Variants in TRPC1 observed in about 807,000 individuals in gnomAD.
The protein encoded by TRPC1 is short transient receptor potential channel 1.
TRPC1 carries 42 observed loss-of-function variants against 88.2 expected under a neutral mutation model. That is an observed-to-expected ratio of 0.48 (90% CI 0.37 to 0.62). The LOEUF (loss-of-function observed/expected upper bound fraction) is 0.62. Among genes scored for constraint, TRPC1 ranks in the 20% least tolerant of loss-of-function variants. The pLI is 0.00. For synonymous variants in TRPC1, 288 were observed against 331.8 expected (o/e 0.87, Z 1.43); for missense variants, 699 against 957.3 (o/e 0.73, Z 3.56).
rs1578016890 is a variant in TRPC1 at position 142,804,472 on chromosome 3, A to G, written c.1996A>G (p.Lys666Glu). 6.2e-7 allele frequency: 1 copy of G among 1,611,296 alleles called. No homozygotes were observed. Among genetic ancestry groups the G allele is most frequent in the East Asian group, 2.2e-5 (1 of 44,796 alleles). ...CAAAGAATGGAAGTTTGCTCGAGCA[A>G]AATTATGGCTTAGCTACTTTGATGA... ...EDKEWKFARA[K>E]LWLSYFDDKC... Residue 666 changes from lysine to glutamate, a missense_variant, in exon 12 of 13, where the codon AAA becomes GAA. By Grantham distance (56) the Lys-to-Glu change is moderately conservative. Coordinates refer to ENST00000476941, the MANE Select transcript of TRPC1 (RefSeq NM_001251845.2).
At chr3:142,751,740 C>G (rs1934772440) in intron 4 of TRPC1, among the ~76,000 whole-genome samples, 1 of 152,108 alleles carries the variant, frequency 6.6e-6, no homozygotes, top group South Asian at 2.1e-4. Context: ...GTAAACCATC[C>G]ACCCTCACTC....
chr3:142,762,835 T>G (rs1935233557), intron 4 of TRPC1, among the ~76,000 whole-genome samples: 1 of 152,220 alleles, frequency 6.6e-6, no homozygotes, highest in South Asian at 2.1e-4. Flanking sequence ...TCAGTACTAC[T>G]TTTGCTCTGT....
chr3:142,770,442 G>A (rs760070586), intron 4 of TRPC1, among the ~76,000 whole-genome samples: 30 of 152,130 alleles, frequency 2.0e-4, no homozygotes, highest in Admixed American at 8.5e-4. Context: ...GTTATTCTTA[G>A]AAGGTATTCC....
At chr3:142,754,511 AC>A (rs1192730459) in intron 4 of TRPC1, among the ~76,000 whole-genome samples, 2 of 152,250 alleles carry the variant, frequency 1.3e-5, no homozygotes, top group African/African-American at 4.8e-5. Context: ...GTGCACATGT[AC>A]CCTAAAACTT....
At chr3:142,771,557 T>G (rs1205411966) in intron 4 of TRPC1, among the ~76,000 whole-genome samples, 4 of 152,206 alleles carry the variant, frequency 2.6e-5, no homozygotes, top group Admixed American at 2.6e-4. Flanking sequence ...CGTAATGATA[T>G]TTTTGTTATA....
chr3:142,778,126 T>G (rs1448812502), intron 5 of TRPC1, among the ~76,000 whole-genome samples: 1 of 152,222 alleles, frequency 6.6e-6, no homozygotes, highest in East Asian at 1.9e-4. Flanking sequence ...ATTCTCTGAC[T>G]CTATAATCAT....
At chr3:142,734,331 T>C (rs1577942998) in intron 1 of TRPC1, among the ~76,000 whole-genome samples, 3 of 152,002 alleles carry the variant, frequency 2.0e-5, no homozygotes, top group Admixed American at 6.6e-5. Flanking sequence ...GTAAAACTTA[T>C]GCAAATAAAA....
In TRPC1 at chr3:142,777,588, G is replaced by A. The variant is rs1341055942; in HGVS notation, c.633-44G>A. 4 of 1,385,420 alleles carry A rather than the reference G, an allele frequency of 2.9e-6. No individual in the cohort carries two copies. In the African/African-American group the frequency reaches 4.3e-5, roughly 15 times the overall value. 85.8% of individuals were successfully genotyped at this position (1,385,420 alleles called of 1,614,324 possible). On this transcript the variant is annotated intron_variant, in intron 4 of 12. Coordinates refer to ENST00000476941, the MANE Select transcript of TRPC1 (RefSeq NM_001251845.2). ...TTATAGATTAAAATACGAATTATAT[G>A]TGTATAAGTTTATTTTACATTATGG...
intron 12 of TRPC1, among the ~76,000 whole-genome samples, chr3:142,805,129 T>TACAC (rs71153991): frequency 0.056 from 5,360 of 95,200 alleles, 135 homozygotes; most frequent in Non-Finnish European, 0.07. Context: ...AATATATATA[T>TACAC]ACACACACAC....
At chr3:142,759,967 G>T (rs1000447443) in intron 4 of TRPC1, among the ~76,000 whole-genome samples, 7 of 152,212 alleles carry the variant, frequency 4.6e-5, no homozygotes, top group African/African-American at 1.7e-4. Context: ...CCATTCTCCT[G>T]CCCCAGCCTC....
chr3:142,772,476 A>G (rs1416843914), intron 4 of TRPC1, among the ~76,000 whole-genome samples: 1 of 152,102 alleles, frequency 6.6e-6, no homozygotes, highest in Non-Finnish European at 1.5e-5. Context: ...GGCTCCCATA[A>G]TGAGGTACCA....
chr3:142,748,369 CAGGATGTATCTCTACCCA>C lies in TRPC1; in HGVS notation c.544_561del (p.Asp182_Lys187del). ...TGAAATTCTTACAATGCTCTTAAAACAGGATGTATCTCTACCCAAGCCCCATGCAGTTGGCTGTGAATG... is the reference window on the plus strand; with the variant it reads ...TGAAATTCTTACAATGCTCTTAAAACAGCCCCATGCAGTTGGCTGTGAATG... On this transcript the variant is annotated inframe_deletion, in exon 4 of 13. Transcript: ENST00000476941. 3 of 1,614,126 alleles carry C rather than the reference CAGGATGTATCTCTACCCA, an allele frequency of 1.9e-6. No individual in the cohort carries two copies. Among genetic ancestry groups the C allele is most frequent in the Non-Finnish European group, 2.5e-6 (3 of 1,180,004 alleles).
intron 4 of TRPC1, among the ~76,000 whole-genome samples, chr3:142,766,770 C>G (rs1406089620): frequency 6.6e-6 from 1 of 152,148 alleles, no homozygotes; most frequent in Non-Finnish European, 1.5e-5. Flanking sequence ...CTCCTTGCTC[C>G]TCAGCCTGCA....
chr3:142,771,823 C>T (rs1024496241), intron 4 of TRPC1, among the ~76,000 whole-genome samples: 6 of 152,050 alleles, frequency 3.9e-5, no homozygotes, highest in African/African-American at 1.2e-4. Context: ...GCCTGATGAA[C>T]TTGCTTTTAT....
At chr3:142,728,572 C>G (rs548997185) in intron 1 of TRPC1, among the ~76,000 whole-genome samples, 7 of 152,070 alleles carry the variant, frequency 4.6e-5, no homozygotes, top group Non-Finnish European at 1.0e-4. Flanking sequence ...CCACCCGCCT[C>G]GGCTTCCCAA....
intron 4 of TRPC1, among the ~76,000 whole-genome samples, chr3:142,758,877 C>T (rs2108069249): frequency 6.8e-6 from 1 of 146,010 alleles, no homozygotes; most frequent in Non-Finnish European, 1.5e-5. Context: ...ACCTTGTGTC[C>T]AAGTGTTCTC....
chr3:142,766,491 C>A (rs1247336873), intron 4 of TRPC1, among the ~76,000 whole-genome samples: 1 of 151,374 alleles, frequency 6.6e-6, no homozygotes, highest in East Asian at 1.9e-4. Context: ...ACTTCCACAT[C>A]CTGGGTTCAA....
At chr3:142,772,776 GACTCCATCTCAAAAAAAA>G (rs1453131412) in intron 4 of TRPC1, among the ~76,000 whole-genome samples, 9 of 152,066 alleles carry the variant, frequency 5.9e-5, no homozygotes, top group African/African-American at 2.2e-4. Context: ...GACAGAGTGA[GACTCCATCTCAAAAAAAA>G]ACCCAAATTT....
chr3:142,776,451 G>T lies in TRPC1; in HGVS notation c.633-1181G>T, dbSNP rs1935773517. 6.6e-6 allele frequency among the ~76,000 whole-genome samples: 1 copy of T among 151,882 alleles called. No homozygotes were observed. Among genetic ancestry groups the T allele is most frequent in the Non-Finnish European group, 1.5e-5 (1 of 67,984 alleles). ...TTTTTCTGGTTTGTTTTCTATTTAG[G>T]TATGGAAATTTGAATATTAATTTAT... On this transcript the variant is annotated intron_variant, in intron 4 of 12. Transcript: ENST00000476941. The surrounding 1 kb of genome is among the most constrained non-coding windows in gnomAD (Gnocchi z 4.1).
Sources: gnomAD v4.1 joint callset for allele counts (sites outside exome capture counted in the v4.1 genomes callset) on GRCh38, gnomAD v4.1.1 for gene constraint, Gnocchi (gnomAD v3.1) non-coding constraint, MANE v1.5 for transcripts, NCBI Gene and HGNC (gene_info 2026-07-23, HGNC 2026-07-21) for gene names.